MSR1: variants seen among roughly 807,000 people sequenced by gnomAD.
The protein encoded by MSR1 is macrophage scavenger receptor 1.
Under a neutral mutation model 47.2 loss-of-function variants are expected in MSR1, and 53 were observed. That is an observed-to-expected ratio of 1.12 (90% CI 0.90 to 1.41). The LOEUF is 1.41. Ranked by LOEUF, MSR1 falls within the 40% of genes most tolerant of loss-of-function variation. MSR1 has a pLI of 0.00. For synonymous variants in MSR1, 239 were observed against 185.6 expected (o/e 1.29, Z -2.34); for missense variants, 786 against 546.9 (o/e 1.44, Z -4.36).
At chr8:16,188,734 T>C (rs1023307451) in intron 1 of MSR1, among the ~76,000 whole-genome samples, 1 of 152,026 alleles carries the variant, frequency 6.6e-6, no homozygotes, top group Admixed American at 6.6e-5. Flanking sequence ...ACTGTTCAAC[T>C]GTCACTTATG....
intron 9 of MSR1, among the ~76,000 whole-genome samples, chr8:16,114,722 T>C (rs1419709928): frequency 1.3e-5 from 2 of 152,186 alleles, no homozygotes; most frequent in African/African-American, 4.8e-5. Context: ...ACTTTATTCC[T>C]ATAAGTCATT....
At chr8:16,189,380 T>C (rs1268319113) in intron 1 of MSR1, among the ~76,000 whole-genome samples, 4 of 120,306 alleles carry the variant, frequency 3.3e-5, no homozygotes, top group African/African-American at 1.3e-4. Context: ...ATTTTATATA[T>C]ATAAAATCTT....
chr8:16,156,597 C>T (rs1801017401), intron 5 of MSR1, among the ~76,000 whole-genome samples: 1 of 151,878 alleles, frequency 6.6e-6, no homozygotes, highest in Non-Finnish European at 1.5e-5. Flanking sequence ...AGCAACTCTA[C>T]TTATAGGAAA....
intron 8 of MSR1, among the ~76,000 whole-genome samples, chr8:16,127,508 C>T (rs757090593): frequency 8.5e-5 from 13 of 152,066 alleles, no homozygotes; most frequent in African/African-American, 2.7e-4. Flanking sequence ...ATTATCTTTT[C>T]GGGTTAGGCA....
intron 9 of MSR1, among the ~76,000 whole-genome samples, chr8:16,114,638 T>C (rs928625690): frequency 7.9e-5 from 12 of 152,104 alleles, no homozygotes; most frequent in African/African-American, 2.9e-4. Context: ...GCTTCCTTAA[T>C]TAAACTTGTT....
intron 4 of MSR1, among the ~76,000 whole-genome samples, chr8:16,167,647 C>A (rs189630947): frequency 6.6e-6 from 1 of 152,310 alleles, no homozygotes; most frequent in African/African-American, 2.4e-5. Flanking sequence ...ATCTCATCCA[C>A]CTTCCCTCTG....
chr8:16,121,035 G>A (rs768232736), intron 8 of MSR1: 64 of 336,240 alleles, frequency 1.9e-4, no homozygotes, highest in Non-Finnish European at 3.3e-4. Flanking sequence ...ACTATAGGAG[G>A]GCGAGGAGCA....
chr8:16,166,263 T>C (rs1246309633), intron 4 of MSR1, among the ~76,000 whole-genome samples: 2 of 143,238 alleles, frequency 1.4e-5, no homozygotes, highest in Admixed American at 1.5e-4. Flanking sequence ...CTCCACCTCC[T>C]GGGTTCAAGT....
intron 8 of MSR1, among the ~76,000 whole-genome samples, chr8:16,126,660 T>C (rs995848618): frequency 3.9e-5 from 6 of 152,132 alleles, no homozygotes; most frequent in Non-Finnish European, 7.4e-5. Context: ...AAAAATAACA[T>C]AACATATTGT....
At chr8:16,179,178 G>T (rs1222968337) in intron 1 of MSR1, among the ~76,000 whole-genome samples, 2 of 152,130 alleles carry the variant, frequency 1.3e-5, no homozygotes, top group East Asian at 1.9e-4. Context: ...CTTGTAAAAT[G>T]ATTTAATCAG....
rs543438008 is a variant in MSR1 at position 16,157,716 on chromosome 8, C to T, written c.818-2572G>A. On this transcript the variant is annotated intron_variant, in intron 5 of 9. Coordinates refer to ENST00000262101, the MANE Select transcript of MSR1 (RefSeq NM_138715.3). ...GATGCAGAACTTTTAAGAACACTAT[C>T]CACTACCTTGCCACCTTCCAAAACT... 2.0e-5 allele frequency among the ~76,000 whole-genome samples: 3 copies of T among 152,016 alleles called. No homozygotes were observed. In the East Asian group the frequency reaches 5.8e-4, roughly 29 times the overall value.
At chr8:16,177,075 A>G (rs1303496567) in intron 2 of MSR1, among the ~76,000 whole-genome samples, 1 of 152,184 alleles carries the variant, frequency 6.6e-6, no homozygotes, top group Admixed American at 6.5e-5. Context: ...GATCCTGTTG[A>G]GATACAGCTG....
At chr8:16,141,157 C>G (rs1325702484) in intron 8 of MSR1, 2 of 1,183,498 alleles carry the variant, frequency 1.7e-6, no homozygotes, top group Admixed American at 4.0e-5. Context: ...CACATACCAC[C>G]ATTAACTACA....
At chr8:16,185,658 A>G (rs1801974170) in intron 1 of MSR1, among the ~76,000 whole-genome samples, 1 of 152,020 alleles carries the variant, frequency 6.6e-6, no homozygotes, top group African/African-American at 2.4e-5. Flanking sequence ...ATTCTATTCC[A>G]ATTTTTGGAC....
chr8:16,161,171 G>C (rs888329999), intron 5 of MSR1, among the ~76,000 whole-genome samples: 9 of 151,514 alleles, frequency 5.9e-5, no homozygotes, highest in Non-Finnish European at 1.0e-4. Context: ...GAAGAAGTTT[G>C]GTTTGAGATA....
chr8:16,183,639 TAATA>T (rs1001534245), intron 1 of MSR1, among the ~76,000 whole-genome samples: 5 of 142,472 alleles, frequency 3.5e-5, no homozygotes, highest in Non-Finnish European at 6.0e-5. Context: ...ATATATAATA[TAATA>T]AATATATTAT....
intron 6 of MSR1, among the ~76,000 whole-genome samples, chr8:16,153,109 G>A (rs1319755912): frequency 1.3e-5 from 2 of 151,902 alleles, no homozygotes; most frequent in Admixed American, 6.6e-5. Context: ...GCAGATATTC[G>A]CATCATGATT....
At chr8:16,152,246 A>G (rs1425470080) in intron 6 of MSR1, among the ~76,000 whole-genome samples, 1 of 152,040 alleles carries the variant, frequency 6.6e-6, no homozygotes, top group East Asian at 1.9e-4. Context: ...CCCACTTTCA[A>G]TACTCAGGTG....
intron 8 of MSR1, chr8:16,139,766 AAAAAAAAAATATATATATATAT>A (rs1164455521): frequency 6.3e-6 from 1 of 158,516 alleles, no homozygotes; most frequent in East Asian, 1.2e-3. Flanking sequence ...AAAAAAAAAA[AAAAAAAAAATATATATATATAT>A]ATATATATAT....
Sources: allele counts gnomAD v4.1 joint callset (sites outside exome capture counted in the v4.1 genomes callset), GRCh38; gene constraint gnomAD v4.1.1; transcripts MANE v1.5; gene names NCBI Gene and HGNC (gene_info 2026-07-23, HGNC 2026-07-21).